The following MED13L variants were observed in gnomAD, a reference collection of about 807,000 sequenced individuals.
The protein encoded by MED13L is mediator of RNA polymerase II transcription subunit 13-like.
In MED13L, 7 loss-of-function variants were observed where a neutral mutation model predicts 220.9. The observed-to-expected ratio is 0.03, with a 90% CI of 0.02 to 0.06. MED13L has a LOEUF of 0.06. MED13L is among the 10% of genes least tolerant of loss of function. MED13L has a pLI of 1.00. For synonymous variants in MED13L, 1,011 were observed against 1,015.2 expected, an observed-to-expected ratio of 1.00 and a Z score of 0.08; for missense variants, 1,965 against 2,760.5, an observed-to-expected ratio of 0.71 and a Z score of 6.46.
intron 28 of MED13L, 69 bp from the exon 29 acceptor site, chr12:115,966,312 G>C: frequency 6.4e-7 from 1 of 1,559,282 alleles, no homozygotes; most frequent in Non-Finnish European, 8.8e-7. Context: ...ACTTTCATCA[G>C]TTCACTCTGC....
rs897376305 is a variant in MED13L, at chr12:115,961,191, C to A, written c.*75G>T. The stretch of plus-strand genomic sequence containing the variant: ...TGAAGAAAAGGATGTGGGTTATTTG[C>A]AGAGTGTAGCAGGTTCCTTGGACTG... On this transcript the variant is annotated 3_prime_UTR_variant, in exon 31 of 31. Transcript: ENST00000281928. 1 of 1,570,190 alleles carries A rather than the reference C, an allele frequency of 6.4e-7. No individual in the cohort carries two copies. The highest frequency in any genetic ancestry group is 1.4e-5 in the African/African-American group (1 of 73,922).
At chr12:115,968,858 G>A in intron 28 of MED13L, 82 bp downstream of exon 28, 1 of 1,545,444 alleles carries the variant, frequency 6.5e-7, no homozygotes, top group Non-Finnish European at 8.9e-7. Flanking sequence ...GTGCAAGTAG[G>A]AACAAGATGA....
chr12:115,967,698 G>A (rs1438093105), intron 28 of MED13L, among the ~76,000 whole-genome samples: 1 of 152,176 alleles, frequency 6.6e-6, no homozygotes, highest in Non-Finnish European at 1.5e-5. Flanking sequence ...TAGGCCCAGA[G>A]CTGCAATTCA....
chr12:116,160,866 C>A (rs1218447069), intron 2 of MED13L, among the ~76,000 whole-genome samples: 1 of 151,818 alleles, frequency 6.6e-6, no homozygotes, highest in Non-Finnish European at 1.5e-5. Context: ...CCGTGCCTGG[C>A]CTGCAAACTT....
intron 2 of MED13L, among the ~76,000 whole-genome samples, chr12:116,138,740 T>C (rs1477801170): frequency 2.6e-5 from 4 of 152,270 alleles, no homozygotes; most frequent in African/African-American, 9.6e-5. Flanking sequence ...TCATTGACAG[T>C]GAAATGTGTG....
At chr12:116,121,708 A>G (rs1387801852) in intron 2 of MED13L, among the ~76,000 whole-genome samples, 1 of 152,220 alleles carries the variant, frequency 6.6e-6, no homozygotes, top group Non-Finnish European at 1.5e-5. Context: ...ATCATATTGC[A>G]GCAACAGCTG....
intron 1 of MED13L, among the ~76,000 whole-genome samples, chr12:116,253,487 G>A (rs1457679444): frequency 6.6e-6 from 1 of 151,876 alleles, no homozygotes; most frequent in Non-Finnish European, 1.5e-5. Flanking sequence ...AAACCAAACA[G>A]AGATGATAAG....
intron 4 of MED13L, among the ~76,000 whole-genome samples, chr12:116,082,003 G>C (rs1440812913): frequency 2.6e-5 from 4 of 152,168 alleles, no homozygotes; most frequent in Non-Finnish European, 4.4e-5. Context: ...GTGAATGAGT[G>C]AGTGATATAG....
In MED13L at chr12:116,256,460, C is replaced by A. The variant is rs565121604; in HGVS notation, c.73-18755G>T. On this transcript the variant is annotated intron_variant, in intron 1 of 30. Coordinates refer to ENST00000281928, the MANE Select transcript of MED13L (RefSeq NM_015335.5). Reference sequence around the variant, plus strand: ...AAGGCTGAGGGGCAAGGGGGAGACCCTGACTGCAAAAGGACATGTATGAAC... The same window carrying A: ...AAGGCTGAGGGGCAAGGGGGAGACCATGACTGCAAAAGGACATGTATGAAC... 4.6e-5 allele frequency among the ~76,000 whole-genome samples: 7 copies of A among 152,180 alleles called. No individual in the cohort carries two copies. In the South Asian group the frequency reaches 1.4e-3, roughly 32 times the overall value.
At chr12:116,270,244 C>T (rs556416573) in intron 1 of MED13L, among the ~76,000 whole-genome samples, 1 of 151,732 alleles carries the variant, frequency 6.6e-6, no homozygotes, top group African/African-American at 2.4e-5. Flanking sequence ...TGGAATCAAG[C>T]GATTCCCCTG....
intron 2 of MED13L, among the ~76,000 whole-genome samples, chr12:116,173,513 A>G (rs1473936606): frequency 6.6e-6 from 1 of 152,232 alleles, no homozygotes; most frequent in Non-Finnish European, 1.5e-5. Flanking sequence ...ACTTTATAGC[A>G]TAAGAAAAAT....
At chr12:116,152,238 G>A (rs1181847414) in intron 2 of MED13L, among the ~76,000 whole-genome samples, 1 of 152,062 alleles carries the variant, frequency 6.6e-6, no homozygotes, top group African/African-American at 2.4e-5. Context: ...ATAAAAAGTA[G>A]TTTTTGTAAA....
chr12:116,128,207 T>C (rs1875759019), intron 2 of MED13L, among the ~76,000 whole-genome samples: 2 of 152,220 alleles, frequency 1.3e-5, no homozygotes, highest in South Asian at 4.1e-4. Context: ...AATCCTTGTG[T>C]GCTTACTATA....
At chr12:116,253,360 A>T (rs1265730844) in intron 1 of MED13L, among the ~76,000 whole-genome samples, 1 of 152,058 alleles carries the variant, frequency 6.6e-6, no homozygotes, top group Admixed American at 6.5e-5. Flanking sequence ...TTCACTGGTG[A>T]ATTCTATCGA....
intron 1 of MED13L, among the ~76,000 whole-genome samples, chr12:116,269,162 G>T (rs1012670013): frequency 1.3e-5 from 2 of 152,082 alleles, no homozygotes; most frequent in Non-Finnish European, 2.9e-5. Flanking sequence ...TAGTTCAAGC[G>T]ATTCTCCTGT....
chr12:116,109,060 CTTTTTTTTTTTTTTT>C (rs751600660), intron 3 of MED13L, among the ~76,000 whole-genome samples: 1 of 97,082 alleles, frequency 1.0e-5, no homozygotes, highest in Non-Finnish European at 2.0e-5. Flanking sequence ...AATTAATTTC[CTTTTTTTTTTTTTTT>C]TTTTTTTTTT....
chr12:116,232,514 T>C (rs1869659183), intron 2 of MED13L, among the ~76,000 whole-genome samples: 1 of 152,254 alleles, frequency 6.6e-6, no homozygotes, highest in Admixed American at 6.5e-5. Context: ...TTAAAAATTT[T>C]CACAAATTTA....
chr12:116,007,257 G>T, intron 11 of MED13L, 154 bp downstream of exon 11: 1 of 739,654 alleles, frequency 1.4e-6, no homozygotes, highest in Non-Finnish European at 2.4e-6. Flanking sequence ...ACAATACGCT[G>T]TTCAATACAA....
Position 116,043,273 on chromosome 12 carries a change from C to T in MED13L, c.480-20672G>A, listed in dbSNP as rs533173603. ...TACAGAAAAAAAAGGATTAAAGCCA[C>T]GAAAAATGTATTAATTTATTCTATG... is the stretch of plus-strand genomic sequence containing the variant. On this transcript the variant is annotated intron_variant, in intron 4 of 30. Coordinates refer to ENST00000281928, the MANE Select transcript of MED13L (RefSeq NM_015335.5). Among the ~76,000 whole-genome samples the T allele has an allele frequency of 7.2e-5, 11 of 152,252 alleles. No homozygotes were observed. In the East Asian group the frequency reaches 1.4e-3, roughly 19 times the overall value.
Sources: allele counts gnomAD v4.1 joint callset (sites outside exome capture counted in the v4.1 genomes callset), GRCh38; gene constraint gnomAD v4.1.1; transcripts MANE v1.5; gene names NCBI Gene and HGNC (gene_info 2026-07-23, HGNC 2026-07-21).